Variants in ETV1 observed in about 807,000 individuals in gnomAD.
ETV1 encodes ETS variant transcription factor 1.
A neutral mutation model predicts 62.3 loss-of-function variants in ETV1; 27 were observed. That is an observed-to-expected ratio of 0.43 (90% CI 0.32 to 0.60). The LOEUF (loss-of-function observed/expected upper bound fraction) is 0.60. ETV1 is among the 20% of genes least tolerant of loss of function. The pLI, the probability that ETV1 is intolerant of heterozygous loss-of-function variation, is 0.06. For synonymous variants in ETV1, 222 were observed against 199.6 expected, an observed-to-expected ratio of 1.11 and a Z score of -0.94; for missense variants, 605 against 605.8, an observed-to-expected ratio of 1.00 and a Z score of 0.01.
At chr7:13,989,883 G>A (rs1159646190), upstream of ETV1, 2 of 334,110 alleles carry the variant, frequency 6.0e-6, no homozygotes, top group African/African-American at 4.2e-5. Context: ...CAGCCTGGAA[G>A]CGCCACGGAG....
intron 4 of ETV1, chr7:13,986,932 C>G (rs990007920): frequency 3.2e-5 from 13 of 410,212 alleles, no homozygotes; most frequent in Admixed American, 1.8e-4. Context: ...ATCTTTTCTT[C>G]TTTTTAACAA....
rs771705165 is a variant in ETV1, at chr7:13,935,702, G to T, written c.554+6C>A. On this transcript the variant is annotated splice_donor_region_variant and intron_variant, in intron 8 of 13. Coordinates refer to ENST00000430479, the MANE Select transcript of ETV1 (RefSeq NM_004956.5). ...AGTTTCTAGAAAACTGGTATCTGCA[G>T]GTTACCTGTGGTCCATGGGGTAGCT... The T allele has an allele frequency of 3.1e-5, 50 of 1,612,004 alleles. No individual in the cohort carries two copies. The highest frequency in any genetic ancestry group is 4.0e-5 in the Non-Finnish European group (47 of 1,178,824).
intron 12 of ETV1, among the ~76,000 whole-genome samples, chr7:13,903,447 T>C (rs186259754): frequency 1.4e-4 from 21 of 152,184 alleles, no homozygotes; most frequent in African/African-American, 5.1e-4. Flanking sequence ...TACTGAGTCT[T>C]ACAGACGACT....
intron 11 of ETV1, among the ~76,000 whole-genome samples, chr7:13,907,249 C>A (rs1026960505): frequency 6.6e-6 from 1 of 152,094 alleles, no homozygotes; most frequent in South Asian, 2.1e-4. Flanking sequence ...CATATACCTT[C>A]CTATTAAAGC....
At chr7:13,962,819 T>C (rs1790347468) in intron 6 of ETV1, among the ~76,000 whole-genome samples, 1 of 152,194 alleles carries the variant, frequency 6.6e-6, no homozygotes, top group Non-Finnish European at 1.5e-5. Flanking sequence ...AATAATTCCA[T>C]GAAGAATAAA....
intron 6 of ETV1, among the ~76,000 whole-genome samples, chr7:13,962,202 C>CACACGT (rs1554308974): frequency 2.4e-4 from 36 of 148,946 alleles, no homozygotes; most frequent in African/African-American, 8.8e-4. Flanking sequence ...CACACACACA[C>CACACGT]GTGTGTGTGT....
At chr7:13,953,242 G>A (rs1203495033) in intron 6 of ETV1, among the ~76,000 whole-genome samples, 1 of 152,086 alleles carries the variant, frequency 6.6e-6, no homozygotes, top group East Asian at 1.9e-4. Context: ...TTGAAATGAA[G>A]TGCCTGAATC....
intron 9 of ETV1, among the ~76,000 whole-genome samples, chr7:13,930,805 T>C (rs112065821): frequency 0.014 from 2,137 of 151,442 alleles, 47 homozygotes; most frequent in African/African-American, 0.049. Context: ...TATTTTTTTT[T>C]TTTTGAGATT....
chr7:13,950,414 C>A (rs1189186654), intron 6 of ETV1, among the ~76,000 whole-genome samples: 1 of 152,006 alleles, frequency 6.6e-6, no homozygotes, highest in African/African-American at 2.4e-5. Context: ...GTAACAGTAA[C>A]TTCACACTCT....
At chr7:13,971,861 A>G (rs1285604728) in intron 6 of ETV1, among the ~76,000 whole-genome samples, 1 of 152,224 alleles carries the variant, frequency 6.6e-6, no homozygotes, top group East Asian at 1.9e-4. Context: ...CTGTAATCCC[A>G]GCACTTTGGG....
At chr7:13,986,436 T>G in intron 5 of ETV1, 1 of 1,491,180 alleles carries the variant, frequency 6.7e-7, no homozygotes, top group Non-Finnish European at 8.9e-7. Flanking sequence ...TTTCTCCTGG[T>G]AATTTGTGAT....
intron 6 of ETV1, among the ~76,000 whole-genome samples, chr7:13,969,977 C>G (rs574722376): frequency 5.3e-5 from 8 of 152,100 alleles, no homozygotes; most frequent in African/African-American, 1.9e-4. Flanking sequence ...TTAAACTGGG[C>G]CAGGCGCAGT....
intron 3 of ETV1, 47 bp from the exon 4 acceptor site, chr7:13,988,220 T>TCA (rs1284761396): frequency 4.0e-6 from 5 of 1,249,680 alleles, no homozygotes; most frequent in Non-Finnish European, 5.8e-6. Flanking sequence ...AAACCTCAGA[T>TCA]CACACACACG....
At chr7:13,939,762 G>A (rs1479239644) in intron 6 of ETV1, among the ~76,000 whole-genome samples, 1 of 152,104 alleles carries the variant, frequency 6.6e-6, no homozygotes, top group Non-Finnish European at 1.5e-5. Context: ...ATTACTTTGG[G>A]CAAAAACTCA....
At chr7:13,977,237 A>G (rs1244307175) in intron 6 of ETV1, among the ~76,000 whole-genome samples, 190 bp downstream of exon 6, 1 of 152,260 alleles carries the variant, frequency 6.6e-6, no homozygotes, top group Non-Finnish European at 1.5e-5. Context: ...GAATTCAAGC[A>G]TTCTGCTCAA....
chr7:13,968,380 C>T (rs1161336185), intron 6 of ETV1, among the ~76,000 whole-genome samples: 1 of 151,808 alleles, frequency 6.6e-6, no homozygotes, highest in Non-Finnish European at 1.5e-5. Context: ...TGGTTTTCAT[C>T]TGGGCGGTAA....
At chr7:13,962,432 C>A (rs62454612) in intron 6 of ETV1, among the ~76,000 whole-genome samples, 3,583 of 152,104 alleles carry the variant, frequency 0.024, 45 homozygotes, top group Middle Eastern at 0.041. Context: ...ACGTTTATAT[C>A]ATATGGCTTT....
intron 6 of ETV1, among the ~76,000 whole-genome samples, chr7:13,964,121 G>A (rs1350833059): frequency 1.3e-5 from 2 of 152,148 alleles, no homozygotes; most frequent in Non-Finnish European, 2.9e-5. Context: ...CCAGTGCCAA[G>A]GACTAGGGAA....
chr7:13,897,847 G>T (rs939510450), intron 13 of ETV1, among the ~76,000 whole-genome samples: 1 of 152,106 alleles, frequency 6.6e-6, no homozygotes, highest in Non-Finnish European at 1.5e-5. Flanking sequence ...TAAATGGCCT[G>T]CATACCTCTG....
Sources: gnomAD v4.1 joint callset for allele counts (sites outside exome capture counted in the v4.1 genomes callset) on GRCh38, gnomAD v4.1.1 for gene constraint, MANE v1.5 for transcripts, NCBI Gene and HGNC (gene_info 2026-07-23, HGNC 2026-07-21) for gene names.